The following KALRN variants were observed in gnomAD, a reference collection of about 807,000 sequenced individuals.
KALRN encodes the protein kalirin RhoGEF kinase, also known as kalirin.
Under a neutral mutation model 353.7 loss-of-function variants are expected in KALRN, and 70 were observed. That is an observed-to-expected ratio of 0.20 (90% CI 0.16 to 0.24). KALRN has a LOEUF of 0.24. Ranked by LOEUF, KALRN falls within the 10% of genes least tolerant of loss-of-function variation. KALRN has a pLI of 1.00. For synonymous variants in KALRN, 1,391 were observed against 1,434.8 expected (o/e 0.97, Z 0.69); for missense variants, 2,791 against 3,756.7 (o/e 0.74, Z 6.72).
chr3:124,269,090 C>G lies in KALRN; in HGVS notation c.804C>G (p.Asn268Lys). The change falls in exon 5 of 60, where the codon AAC (asparagine) becomes AAG (lysine). Residue 268 changes from asparagine to lysine, a missense_variant. Coordinates refer to ENST00000682506, the MANE Select transcript of KALRN (RefSeq NM_001388419.1). ...GCAGCGACGGCTTCTCAGGACGCAA[C>G]TGCATCCCGGGCAGTGCTGACTTCC... is the stretch of plus-strand genomic sequence containing the variant. Reference protein sequence around the residue: ...IRCSDGFSGRNCIPGSADFQS... With the variant: ...IRCSDGFSGRKCIPGSADFQS... 1 of 1,612,734 alleles carries G rather than the reference C, an allele frequency of 6.2e-7. No homozygotes were observed. The highest frequency in any genetic ancestry group is 8.5e-7 in the Non-Finnish European group (1 of 1,179,572).
chr3:124,404,776 C>T (rs1176637784), intron 13 of KALRN, among the ~76,000 whole-genome samples: 5 of 151,190 alleles, frequency 3.3e-5, no homozygotes, highest in African/African-American at 1.2e-4. Flanking sequence ...CTGTCTGGTG[C>T]ATCACTACAG....
intron 47 of KALRN, among the ~76,000 whole-genome samples, chr3:124,671,210 G>A (rs2086392581): frequency 6.6e-6 from 1 of 152,128 alleles, no homozygotes; most frequent in South Asian, 2.1e-4. Context: ...TCAGAATTCA[G>A]TCCAGACTCA....
intron 1 of KALRN, chr3:124,099,432 A>G (rs756383771): frequency 6.6e-6 from 1 of 152,144 alleles, no homozygotes; most frequent in African/African-American, 2.4e-5. Flanking sequence ...TGTATATATA[A>G]CACATTTTCT....
chr3:124,115,500 G>C (rs1320182), intron 1 of KALRN, among the ~76,000 whole-genome samples: 1 of 152,034 alleles, frequency 6.6e-6, no homozygotes, highest in East Asian at 1.9e-4. Context: ...CAGATTAGCA[G>C]CTAGCTCTAT....
intron 13 of KALRN, among the ~76,000 whole-genome samples, chr3:124,411,461 T>TTTTTTTTTTTTTTTAA (rs869188737): frequency 1.0e-5 from 1 of 96,100 alleles, no homozygotes; most frequent in African/African-American, 3.7e-5. Context: ...TTTTTTTTTT[T>TTTTTTTTTTTTTTTAA]AAGAAACAGG....
chr3:124,110,484 C>CAA (rs1432368525), intron 1 of KALRN, among the ~76,000 whole-genome samples: 2 of 151,620 alleles, frequency 1.3e-5, no homozygotes, highest in African/African-American at 2.4e-5. Context: ...CACACACACA[C>CAA]ACACACACAC....
intron 34 of KALRN, among the ~76,000 whole-genome samples, chr3:124,591,741 CA>C (rs1258320330): frequency 6.6e-6 from 1 of 152,168 alleles, no homozygotes; most frequent in Non-Finnish European, 1.5e-5. Flanking sequence ...ACCCCATCCT[CA>C]GGGGACTCCC....
At chr3:124,403,178 T>C (rs1285139597) in intron 13 of KALRN, among the ~76,000 whole-genome samples, 1 of 152,246 alleles carries the variant, frequency 6.6e-6, no homozygotes, top group Non-Finnish European at 1.5e-5. Flanking sequence ...CAAAGCCATC[T>C]GCCATGTGGT....
chr3:124,218,653 C>T (rs936357344), intron 1 of KALRN, among the ~76,000 whole-genome samples: 2 of 152,212 alleles, frequency 1.3e-5, no homozygotes, highest in African/African-American at 4.8e-5. Flanking sequence ...AGAATCACTT[C>T]TGAAGTGGCC....
chr3:124,276,731 A>G (rs1174979993), intron 5 of KALRN, among the ~76,000 whole-genome samples: 3 of 152,188 alleles, frequency 2.0e-5, no homozygotes, highest in African/African-American at 7.2e-5. Context: ...GTAATCTTTG[A>G]CCCAGAGCAG....
At chr3:124,038,197 C>T (rs541722531) in intron 1 of KALRN, among the ~76,000 whole-genome samples, 2 of 152,062 alleles carry the variant, frequency 1.3e-5, no homozygotes, top group Non-Finnish European at 2.9e-5. Flanking sequence ...AGTGTGGGCT[C>T]TGATGTGATG....
At chr3:124,613,107 C>T (rs1478183558) in intron 34 of KALRN, among the ~76,000 whole-genome samples, 1 of 152,090 alleles carries the variant, frequency 6.6e-6, no homozygotes, top group African/African-American at 2.4e-5. Flanking sequence ...GGAAAAGTGG[C>T]CTTGCCACCA....
intron 34 of KALRN, among the ~76,000 whole-genome samples, chr3:124,594,158 C>T (rs1260126278): frequency 6.6e-6 from 1 of 152,206 alleles, no homozygotes; most frequent in African/African-American, 2.4e-5. Context: ...TAAATGGGTT[C>T]ATTTTTACAT....
At chr3:124,677,728 T>C (rs540238536) in intron 49 of KALRN, 1 of 407,762 alleles carries the variant, frequency 2.5e-6, no homozygotes, top group African/African-American at 2.1e-5. Context: ...ACTCTCAATG[T>C]CATCCTTTTA....
chr3:124,227,882 G>A (rs1026798026), intron 1 of KALRN, 108 bp from the exon 2 acceptor site: 26 of 879,568 alleles, frequency 3.0e-5, no homozygotes, highest in African/African-American at 2.5e-4. Flanking sequence ...ACCTGGACAA[G>A]GCAGGACTTG....
intron 34 of KALRN, among the ~76,000 whole-genome samples, chr3:124,616,055 A>T (rs898469284): frequency 6.6e-6 from 1 of 152,202 alleles, no homozygotes; most frequent in Non-Finnish European, 1.5e-5. Context: ...CCAAAAATAC[A>T]GTTTACCAAA....
chr3:124,230,664 C>A (rs2079040276), intron 2 of KALRN, among the ~76,000 whole-genome samples: 1 of 152,062 alleles, frequency 6.6e-6, no homozygotes, highest in Non-Finnish European at 1.5e-5. Context: ...CCCCATTTGC[C>A]AGCGTAAGCC....
At chr3:124,270,892 C>T (rs577124863) in intron 5 of KALRN, among the ~76,000 whole-genome samples, 59 of 143,292 alleles carry the variant, frequency 4.1e-4, no homozygotes, top group Non-Finnish European at 7.4e-4. Context: ...TGCAGTGGCA[C>T]CATCTCAGCT....
At chr3:124,584,720 G>GAGCCGGCTCTCGGGCGGC in intron 34 of KALRN, 2 of 1,490,780 alleles carry the variant, frequency 1.3e-6, no homozygotes, top group Non-Finnish European at 1.8e-6. Context: ...GGGAGGGCGG[G>GAGCCGGCTCTCGGGCGGC]AGCCGGCTCT....
Sources: allele counts gnomAD v4.1 joint callset (sites outside exome capture counted in the v4.1 genomes callset), GRCh38; gene constraint gnomAD v4.1.1; transcripts MANE v1.5; gene names NCBI Gene and HGNC (gene_info 2026-07-23, HGNC 2026-07-21).